The following CDC42EP4 variants were observed in gnomAD, a reference collection of about 807,000 sequenced individuals.
The protein encoded by CDC42EP4 is CDC42 effector protein 4.
CDC42EP4 carries 6 observed loss-of-function variants against 5.6 expected under a neutral mutation model. The observed-to-expected ratio is 1.07, with a 90% CI of 0.59 to 2.12. The LOEUF is 2.12. Ranked by LOEUF, CDC42EP4 falls within the 30% of genes most tolerant of loss-of-function variation. The pLI, the probability that CDC42EP4 is intolerant of heterozygous loss-of-function variation, is 0.00. For missense variants in CDC42EP4, 490 were observed against 508.6 expected, an observed-to-expected ratio of 0.96 and a Z score of 0.35; for synonymous variants, 230 against 224.2, an observed-to-expected ratio of 1.03 and a Z score of -0.23.
chr17:73,288,853 A>T (rs2062146689), intron 1 of CDC42EP4, among the ~76,000 whole-genome samples: 2 of 152,266 alleles, frequency 1.3e-5, no homozygotes, highest in South Asian at 4.1e-4. Flanking sequence ...TTATCATTCC[A>T]GCAAACACAA....
intron 1 of CDC42EP4, among the ~76,000 whole-genome samples, chr17:73,290,971 G>A (rs1002008066): frequency 2.0e-5 from 3 of 152,212 alleles, no homozygotes; most frequent in Non-Finnish European, 4.4e-5. Context: ...GGCTACAGGG[G>A]AGGACAGCTC....
chr17:73,286,460 G>C lies in CDC42EP4; in HGVS notation c.41C>G (p.Ser14Cys). 6.2e-7 allele frequency: 1 copy of C among 1,608,240 alleles called. No homozygotes were observed. Among genetic ancestry groups the C allele is most frequent in the Non-Finnish European group, 8.5e-7 (1 of 1,175,946 alleles). ...GAGGTCCGCTCGGGAACGGCGCTTG[G>C]AGTGCACCGAGCTGGACACCAGTTG... ...LKQLVSSSVH[S>C]KRRSRADLTA... The change falls in exon 2 of 2, where the codon TCC (serine) becomes TGC (cysteine). Residue 14 changes from serine to cysteine, a missense_variant. Transcript: ENST00000335793. This position sits in a 1 kb window ranked among gnomAD's most constrained non-coding sequence, Gnocchi z 7.7.
At chr17:73,310,725 C>T (rs2062268950) in intron 1 of CDC42EP4, among the ~76,000 whole-genome samples, 1 of 148,980 alleles carries the variant, frequency 6.7e-6, no homozygotes, top group Admixed American at 6.7e-5. Flanking sequence ...GAGTTAGCAG[C>T]GAGCACCCCT....
intron 1 of CDC42EP4, among the ~76,000 whole-genome samples, chr17:73,303,043 C>CAAAAAAAAAAAAAAAA (rs554983651): frequency 8.6e-6 from 1 of 116,852 alleles, no homozygotes; most frequent in African/African-American, 3.7e-5. Flanking sequence ...GACTCCGTCT[C>CAAAAAAAAAAAAAAAA]AAAAAAAAAA....
chr17:73,310,091 G>C (rs930974098), intron 1 of CDC42EP4: 3 of 152,160 alleles, frequency 2.0e-5, no homozygotes, highest in Admixed American at 1.3e-4. Context: ...AGGAGCCCCT[G>C]GGGCTGCCAG....
chr17:73,310,472 C>G (rs1231608542), intron 1 of CDC42EP4, among the ~76,000 whole-genome samples: 1 of 152,072 alleles, frequency 6.6e-6, no homozygotes, highest in Admixed American at 6.5e-5. Flanking sequence ...GCGACGGGGG[C>G]TCCCAAGGAC....
At chr17:73,305,358 G>A (rs1054362195) in intron 1 of CDC42EP4, among the ~76,000 whole-genome samples, 5 of 152,212 alleles carry the variant, frequency 3.3e-5, no homozygotes, top group African/African-American at 1.2e-4. Context: ...CTGGGCAGCA[G>A]GGTGCCTCCC....
chr17:73,307,882 T>C (rs1012045762), intron 1 of CDC42EP4, among the ~76,000 whole-genome samples: 2 of 151,148 alleles, frequency 1.3e-5, no homozygotes, highest in African/African-American at 4.9e-5. Flanking sequence ...GCTGGGATTA[T>C]AGGTGCACGC....
intron 1 of CDC42EP4, among the ~76,000 whole-genome samples, chr17:73,307,940 C>T (rs953106542): frequency 8.6e-5 from 13 of 151,826 alleles, no homozygotes; most frequent in African/African-American, 3.1e-4. Flanking sequence ...CGGGGTTTCA[C>T]CATATTGGCC....
At chr17:73,294,927 G>C (rs1347385289) in intron 1 of CDC42EP4, among the ~76,000 whole-genome samples, 1 of 152,094 alleles carries the variant, frequency 6.6e-6, no homozygotes, top group Non-Finnish European at 1.5e-5. Flanking sequence ...TCCTGCCTTA[G>C]CCTCCTGAGT....
intron 1 of CDC42EP4, among the ~76,000 whole-genome samples, chr17:73,293,047 C>T (rs530611884): frequency 6.6e-6 from 1 of 152,228 alleles, no homozygotes; most frequent in African/African-American, 2.4e-5. Context: ...GGGGTTTCAC[C>T]ACGTCGGCCA....
chr17:73,293,411 T>C (rs2062170671), intron 1 of CDC42EP4, among the ~76,000 whole-genome samples: 1 of 152,112 alleles, frequency 6.6e-6, no homozygotes, highest in African/African-American at 2.4e-5. Context: ...CCCGGGATTG[T>C]GGAGGGCCCA....
At chr17:73,288,632 C>G (rs1442855805) in intron 1 of CDC42EP4, among the ~76,000 whole-genome samples, 1 of 151,952 alleles carries the variant, frequency 6.6e-6, no homozygotes, top group Admixed American at 6.6e-5. Context: ...GACACATGGT[C>G]CGCCTCCAAC....
intron 1 of CDC42EP4, among the ~76,000 whole-genome samples, chr17:73,303,183 A>C (rs2062227860): frequency 6.6e-6 from 1 of 150,662 alleles, no homozygotes; most frequent in African/African-American, 2.4e-5. Flanking sequence ...GTCTCTACTA[A>C]AAATACAAAA....
chr17:73,299,287 A>G (rs7502261), intron 1 of CDC42EP4, among the ~76,000 whole-genome samples: 37,856 of 151,370 alleles, frequency 0.25, 5,129 homozygotes, highest in Admixed American at 0.34. Context: ...AAAATTAGCC[A>G]GGCGTGGTGG....
At chr17:73,301,239 C>A (rs1262650956) in intron 1 of CDC42EP4, among the ~76,000 whole-genome samples, 1 of 151,848 alleles carries the variant, frequency 6.6e-6, no homozygotes, top group Non-Finnish European at 1.5e-5. Flanking sequence ...TTTCCTCTTA[C>A]TTGTTAAAAT....
intron 1 of CDC42EP4, among the ~76,000 whole-genome samples, chr17:73,290,001 C>T (rs375583572): frequency 3.3e-5 from 5 of 152,290 alleles, no homozygotes; most frequent in Middle Eastern, 3.4e-3. Context: ...AACGAACTCT[C>T]GTTCCTGGCA....
chr17:73,292,803 G>C (rs1432198971), intron 1 of CDC42EP4, among the ~76,000 whole-genome samples: 3 of 152,230 alleles, frequency 2.0e-5, no homozygotes, highest in Admixed American at 6.5e-5. Context: ...AGGTTACATA[G>C]AGCCCTCCCT....
At chr17:73,299,161 C>T (rs113797116) in intron 1 of CDC42EP4, among the ~76,000 whole-genome samples, 4 of 152,038 alleles carry the variant, frequency 2.6e-5, no homozygotes, top group African/African-American at 7.2e-5. Flanking sequence ...CAGTGGCTCA[C>T]GCCTGTAATC....
Sources: gnomAD v4.1 joint callset for allele counts (sites outside exome capture counted in the v4.1 genomes callset) on GRCh38, gnomAD v4.1.1 for gene constraint, Gnocchi (gnomAD v3.1) non-coding constraint, MANE v1.5 for transcripts, NCBI Gene and HGNC (gene_info 2026-07-23, HGNC 2026-07-21) for gene names.